RNF207: variants seen among roughly 807,000 people sequenced by gnomAD.
The protein encoded by RNF207 is OTTHUMG00000001089.
Under a neutral mutation model 79.0 loss-of-function variants are expected in RNF207, and 72 were observed. That is an observed-to-expected ratio of 0.91 (90% CI 0.75 to 1.11). The LOEUF (loss-of-function observed/expected upper bound fraction) is 1.11. RNF207 is among the 50% of genes least tolerant of loss of function. RNF207 has a pLI of 0.00. For missense variants in RNF207, 936 were observed against 855.8 expected (o/e 1.09, Z -1.17); for synonymous variants, 348 against 366.2 (o/e 0.95, Z 0.57).
rs1453524332 is a variant in RNF207, at chr1:6,219,488, G to C, written c.*81G>C. 4 of 1,079,448 alleles carry C rather than the reference G, an allele frequency of 3.7e-6. No individual in the cohort carries two copies. In the East Asian group the frequency reaches 1.0e-4, roughly 28 times the overall value. The allele number at this position is 1,079,448 out of a possible 1,614,324, so 66.9% of individuals were successfully genotyped here. A position where few individuals can be genotyped will look rare whatever the true frequency, so the allele number is the denominator to read the frequency against. ...CTGGACAGAAGGTTGTTCCCATGAT[G>C]GTTTTTTTTATTTTTTATTTTTGAG... is the stretch of plus-strand genomic sequence containing the variant. On this transcript the variant is annotated 3_prime_UTR_variant, in exon 18 of 18. Transcript: ENST00000377939.
intron 16 of RNF207, among the ~76,000 whole-genome samples, chr1:6,216,378 G>A (rs1668360729): frequency 6.6e-6 from 1 of 152,184 alleles, no homozygotes; most frequent in African/African-American, 2.4e-5. Context: ...GGCCGGCTCT[G>A]CTCCTCTTCA....
chr1:6,213,079 C>T lies in RNF207; in HGVS notation c.1548C>T (p.Asp516=). ...TTGGCCCCACAGCCCAGCTCCATGA[C>T]CTTCTCCAGCTGAGGCAGGAGAATG... ...EQEIYEAQLH[D]LLQLRQENAY... The change falls in exon 16 of 18, where the codon GAC becomes GAT. Residue 516 remains aspartate, a synonymous_variant. Coordinates refer to ENST00000377939, the MANE Select transcript of RNF207 (RefSeq NM_207396.3). 6 of 1,612,854 alleles carry T rather than the reference C, an allele frequency of 3.7e-6. No individual in the cohort carries two copies. The highest frequency in any genetic ancestry group is 4.2e-6 in the Non-Finnish European group (5 of 1,179,134).
chr1:6,209,991 C>A, intron 8 of RNF207, 21 bp downstream of exon 8: 2 of 1,565,904 alleles, frequency 1.3e-6, no homozygotes, highest in South Asian at 1.2e-5. Context: ...GGGAGCGGGG[C>A]TTGCTTCCCT....
At chr1:6,206,513 G>A in intron 1 of RNF207, 23 bp from the exon 2 acceptor site, 2 of 1,524,768 alleles carry the variant, frequency 1.3e-6, no homozygotes, top group Non-Finnish European at 1.7e-6. Flanking sequence ...TGCCCCAGCC[G>A]CCCGCTTGCG....
chr1:6,207,711 C>T lies in RNF207; in HGVS notation c.324+200C>T. ...GAGGTCCAGAACAAGGGACTTGAGC[C>T]AGTGTCCAGACAGTGGCAGAGGCTA... On this transcript the variant is annotated intron_variant, in intron 3 of 17. Coordinates refer to ENST00000377939, the MANE Select transcript of RNF207 (RefSeq NM_207396.3). This position sits in a 1 kb window ranked among gnomAD's most constrained non-coding sequence, Gnocchi z 4.5. 1.4e-6 allele frequency: 1 copy of T among 722,018 alleles called. No individual in the cohort carries two copies. Among genetic ancestry groups the T allele is most frequent in the Non-Finnish European group, 2.5e-6 (1 of 403,504 alleles). The allele number at this position is 722,018 out of a possible 1,614,324, so 44.7% of individuals were successfully genotyped here. A position where few individuals can be genotyped will look rare whatever the true frequency, so the allele number is the denominator to read the frequency against.
At chr1:6,215,498 C>T (rs1285767023) in intron 16 of RNF207, among the ~76,000 whole-genome samples, 2 of 152,076 alleles carry the variant, frequency 1.3e-5, no homozygotes, top group East Asian at 1.9e-4. Context: ...TTCATTTCTG[C>T]TATCTTGTTT....
intron 16 of RNF207, among the ~76,000 whole-genome samples, chr1:6,216,129 C>T (rs1056372568): frequency 1.3e-5 from 2 of 152,140 alleles, no homozygotes; most frequent in African/African-American, 4.8e-5. Context: ...GTGTGGTGAC[C>T]TCTCAGAACC....
intron 3 of RNF207, chr1:6,208,277 G>A (rs1250630928): frequency 6.5e-6 from 1 of 152,752 alleles, no homozygotes; most frequent in African/African-American, 2.4e-5. Context: ...GTGCCAAGGG[G>A]GCCGTGAGAG....
Position 6,209,054 on chromosome 1 carries a change from TG to T in RNF207, c.469+34del, listed in dbSNP as rs56391821. 7 of 195,892 alleles carry T rather than the reference TG, an allele frequency of 3.6e-5. No individual in the cohort carries two copies. The African/African-American group carries it at 4.3e-4, about 12-fold the overall frequency. 12.1% of individuals were successfully genotyped at this position (195,892 alleles called of 1,614,324 possible). Reference sequence around the variant, plus strand: ...AGTGAGGCTTGCGGGGCCGGGGACTTGGGGGTGGGGGCGGGGCGGGCACTGA... The same window carrying T: ...AGTGAGGCTTGCGGGGCCGGGGACTTGGGGTGGGGGCGGGGCGGGCACTGA... On this transcript the variant is annotated intron_variant, in intron 4 of 17. Transcript: ENST00000377939.
At position 6,211,090 on chromosome 1, in the gene RNF207, G is replaced by T. The variant is rs370120169; in HGVS notation, c.1081G>T (p.Val361Leu). The T allele has an allele frequency of 1.7e-5, 28 of 1,601,800 alleles. No individual in the cohort carries two copies. The Admixed American group carries it at 4.4e-4, about 25-fold the overall frequency. ...EPLLLLGPRR[V>L]AAAASGANTL... ...ACTGCTGCTGCTGGGGCCACGTCGG[G>T]TGGCAGCTGCTGCAAGTGGTGCTAA... The change falls in exon 12 of 18, where the codon GTG (valine) becomes TTG (leucine). Residue 361 changes from valine to leucine, a missense_variant. Physicochemically the swap from Val to Leu is conservative, Grantham distance 32. Transcript: ENST00000377939. This position sits in a 1 kb window ranked among gnomAD's most constrained non-coding sequence, Gnocchi z 4.2.
At chr1:6,206,876 TC>T (rs1190576597) in intron 2 of RNF207, 150 bp downstream of exon 2, 1 of 645,568 alleles carries the variant, frequency 1.5e-6, no homozygotes, top group Non-Finnish European at 2.6e-6. Flanking sequence ...TCCTTAGCTC[TC>T]CCCGCCAGAA....
chr1:6,210,363 C>A lies in RNF207; in HGVS notation c.874-7C>A. On this transcript the variant is annotated splice_region_variant and splice_polypyrimidine_tract_variant and intron_variant, in intron 9 of 17. Coordinates refer to ENST00000377939, the MANE Select transcript of RNF207 (RefSeq NM_207396.3). ...GGCCAGGCACTGAGCAGCATCCCCT[C>A]CCCCAGGTCCACCTGGTCATCTGCT... The A allele has an allele frequency of 6.2e-7, 1 of 1,611,792 alleles. No homozygotes were observed. The highest frequency in any genetic ancestry group is 8.5e-7 in the Non-Finnish European group (1 of 1,179,532).
chr1:6,207,423 A>G lies in RNF207; in HGVS notation c.236A>G (p.Asp79Gly). The G allele has an allele frequency of 6.4e-7, 1 of 1,553,154 alleles. No individual in the cohort carries two copies. The change falls in exon 3 of 18, where the codon GAC (aspartate) becomes GGC (glycine). Residue 79 changes from aspartate (D) to glycine (G), a missense_variant. Asp to Gly is a moderately conservative substitution (Grantham distance 94). Transcript: ENST00000377939. This position sits in a 1 kb window ranked among gnomAD's most constrained non-coding sequence, Gnocchi z 4.5. ...LKGPSGLPPV[D>G]RLLQFLVDSS... ...GGTCCCAGCGGGCTCCCGCCGGTGG[A>G]CCGGCTGCTGCAGTTCCTGGTGGAC...
Position 6,209,122 on chromosome 1 carries a change from C to G in RNF207, c.477C>G (p.His159Gln). ...SRDVPQKCTL[H>Q]AEPYLLFSTD... ...CGCCCGCCGCCCCCGCAGCGCTGCA[C>G]GCAGAGCCCTACCTCTTGTTCTCCA... The change falls in exon 5 of 18, where the codon CAC (histidine) becomes CAG (glutamine). Residue 159 changes from histidine to glutamine, a missense_variant. By Grantham distance (24) the His-to-Gln change is conservative (BLOSUM62 0). Transcript: ENST00000377939. The G allele has an allele frequency of 6.4e-7, 1 of 1,554,068 alleles. No homozygotes were observed. The highest frequency in any genetic ancestry group is 8.7e-7 in the Non-Finnish European group (1 of 1,148,698).
intron 5 of RNF207, 30 bp downstream of exon 5, chr1:6,209,226 C>A: frequency 6.5e-7 from 1 of 1,550,094 alleles, no homozygotes; most frequent in Non-Finnish European, 8.7e-7. Context: ...GGGGAGGGGG[C>A]TGGGGGCCGC....
At chr1:6,210,520 G>A (rs1346550732) in intron 10 of RNF207, 82 bp downstream of exon 10, 28 of 1,113,044 alleles carry the variant, frequency 2.5e-5, no homozygotes, top group Non-Finnish European at 3.0e-5. Context: ...TCAGGGGTGG[G>A]CAGCCTGTCA....
Position 6,208,876 on chromosome 1 carries a change from C to T in RNF207, c.325-5C>T. On this transcript the variant is annotated splice_polypyrimidine_tract_variant and splice_region_variant and intron_variant, in intron 3 of 17. Transcript: ENST00000377939. The stretch of plus-strand genomic sequence containing the variant: ...GGCGCTCCTGAGCCCGCGCTCGGCC[C>T]GCAGGACGTGGAGACCACGTACTTC... 2 of 1,525,434 alleles carry T rather than the reference C, an allele frequency of 1.3e-6. No homozygotes were observed. Among genetic ancestry groups the T allele is most frequent in the South Asian group, 2.4e-5 (2 of 83,532 alleles). The allele number at this position is 1,525,434 out of a possible 1,614,324, so 94.5% of individuals were successfully genotyped here.
chr1:6,207,552 C>T lies in RNF207; in HGVS notation c.324+41C>T. 2 of 1,566,408 alleles carry T rather than the reference C, an allele frequency of 1.3e-6. No individual in the cohort carries two copies. Among genetic ancestry groups the T allele is most frequent in the South Asian group, 1.2e-5 (1 of 86,190 alleles). Reference sequence around the variant, plus strand: ...CGGGTGGGTGAGGAGCAGAGGGTACCCGGTTGCACAGTCCCCAATGCTTGC... The same window carrying T: ...CGGGTGGGTGAGGAGCAGAGGGTACTCGGTTGCACAGTCCCCAATGCTTGC... On this transcript the variant is annotated intron_variant, in intron 3 of 17. Coordinates refer to ENST00000377939, the MANE Select transcript of RNF207 (RefSeq NM_207396.3). The surrounding 1 kb of genome is among the most constrained non-coding windows in gnomAD (Gnocchi z 4.5).
rs1322365711 is a variant in RNF207 at position 6,217,822 on chromosome 1, C to T, written c.1653-467C>T. ...CTGGACAGCTCTCTTGGGGACCTTC[C>T]CTGTGCACCTGTGACCGTGTCTGCC... is the stretch of plus-strand genomic sequence containing the variant. On this transcript the variant is annotated intron_variant, in intron 16 of 17. Transcript: ENST00000377939. The surrounding 1 kb of genome is among the most constrained non-coding windows in gnomAD (Gnocchi z 4.2). Among the ~76,000 whole-genome samples, 1 of 152,200 alleles carries T rather than the reference C, an allele frequency of 6.6e-6. No homozygotes were observed. Among genetic ancestry groups the T allele is most frequent in the East Asian group, 1.9e-4 (1 of 5,198 alleles).
Sources: allele counts gnomAD v4.1 joint callset (sites outside exome capture counted in the v4.1 genomes callset), GRCh38; gene constraint gnomAD v4.1.1; non-coding constraint Gnocchi (gnomAD v3.1); transcripts MANE v1.5; gene names NCBI Gene and HGNC (gene_info 2026-07-23, HGNC 2026-07-21).